The following ARL15 variants were observed in gnomAD, a reference collection of about 807,000 sequenced individuals.
ARL15 encodes ADP-ribosylation factor-like protein 15.
A neutral mutation model predicts 25.2 loss-of-function variants in ARL15; 19 were observed. The observed-to-expected ratio is 0.75, with a 90% CI of 0.53 to 1.10. The LOEUF is 1.10. ARL15 is among the 50% of genes least tolerant of loss of function. The pLI, the probability that ARL15 is intolerant of heterozygous loss-of-function variation, is 0.00. For missense variants in ARL15, 220 were observed against 246.0 expected, an observed-to-expected ratio of 0.89 and a Z score of 0.71; for synonymous variants, 94 against 86.8, an observed-to-expected ratio of 1.08 and a Z score of -0.46.
At chr5:54,076,552 T>A (rs1281563695) in intron 4 of ARL15, among the ~76,000 whole-genome samples, 2 of 152,168 alleles carry the variant, frequency 1.3e-5, no homozygotes, top group East Asian at 3.8e-4. Flanking sequence ...TTTGAAATAG[T>A]GACAAAGAAC....
chr5:53,969,906 A>G (rs1747680855), intron 4 of ARL15, among the ~76,000 whole-genome samples: 1 of 152,220 alleles, frequency 6.6e-6, no homozygotes, highest in Non-Finnish European at 1.5e-5. Context: ...AAAATACCAT[A>G]AATTAAGATA....
At chr5:54,221,168 T>C (rs1756364283) in intron 1 of ARL15, among the ~76,000 whole-genome samples, 1 of 152,214 alleles carries the variant, frequency 6.6e-6, no homozygotes, top group South Asian at 2.1e-4. Context: ...TAAGAACAAC[T>C]AACAACTTTC....
chr5:54,025,457 G>C (rs1405062109), intron 4 of ARL15, among the ~76,000 whole-genome samples: 1 of 152,138 alleles, frequency 6.6e-6, no homozygotes, highest in Non-Finnish European at 1.5e-5. Flanking sequence ...ATGCTGGACT[G>C]ATAAAGAACC....
intron 4 of ARL15, among the ~76,000 whole-genome samples, chr5:54,058,813 T>A (rs563711233): frequency 6.6e-6 from 1 of 152,246 alleles, no homozygotes; most frequent in East Asian, 1.9e-4. Context: ...TGATATCATC[T>A]AACTACAGTT....
Position 54,113,265 on chromosome 5 carries a change from G to A in ARL15, c.399C>T (p.Cys133=), listed in dbSNP as rs758338658. 3 of 1,613,912 alleles carry A rather than the reference G, an allele frequency of 1.9e-6. No homozygotes were observed. The highest frequency in any genetic ancestry group is 3.3e-5 in the Admixed American group (2 of 60,024). The change falls in exon 4 of 5, where the codon TGC becomes TGT. Residue 133 remains cysteine, a synonymous_variant. Coordinates refer to ENST00000504924, the MANE Select transcript of ARL15 (RefSeq NM_019087.3). ...LHSALQHPQL[C]TLPFLILANH... ...TGGCCAATATTAAAAAGGGTAAAGT[G>A]CATAACTGTGGATGCTGAAGAGCTG...
chr5:54,056,045 T>C (rs1379823347), intron 4 of ARL15, among the ~76,000 whole-genome samples: 3 of 152,160 alleles, frequency 2.0e-5, no homozygotes, highest in African/African-American at 4.8e-5. Flanking sequence ...TTACATTTAT[T>C]ATACAAAAGG....
intron 1 of ARL15, among the ~76,000 whole-genome samples, chr5:54,295,341 A>G (rs1163745801): frequency 6.6e-6 from 1 of 152,224 alleles, no homozygotes; most frequent in Non-Finnish European, 1.5e-5. Flanking sequence ...TCCCCAAATA[A>G]TGACATAATG....
chr5:54,224,856 T>C (rs931388676), intron 1 of ARL15, among the ~76,000 whole-genome samples: 6 of 152,184 alleles, frequency 3.9e-5, no homozygotes, highest in East Asian at 3.8e-4. Context: ...GTATCACAAA[T>C]TGACTTCTCA....
At chr5:54,221,683 G>A (rs560855091) in intron 1 of ARL15, among the ~76,000 whole-genome samples, 1 of 152,090 alleles carries the variant, frequency 6.6e-6, no homozygotes, top group South Asian at 2.1e-4. Context: ...CTCTTCTTAA[G>A]CATAAACTTC....
intron 4 of ARL15, among the ~76,000 whole-genome samples, chr5:54,060,810 A>T (rs1248518269): frequency 6.6e-6 from 1 of 152,140 alleles, no homozygotes; most frequent in Non-Finnish European, 1.5e-5. Context: ...AACTTGAGAG[A>T]GATGATTTAG....
chr5:54,206,483 C>G (rs1448216201), intron 1 of ARL15, among the ~76,000 whole-genome samples: 2 of 152,094 alleles, frequency 1.3e-5, no homozygotes, highest in African/African-American at 2.4e-5. Context: ...TAAAAGTTTA[C>G]CAGATTGTAT....
At chr5:54,208,401 T>A (rs1241312167) in intron 1 of ARL15, among the ~76,000 whole-genome samples, 1 of 151,822 alleles carries the variant, frequency 6.6e-6, no homozygotes. Context: ...TACATGCACA[T>A]GCGCACACAC....
intron 4 of ARL15, among the ~76,000 whole-genome samples, chr5:54,013,541 G>A (rs255757): frequency 0.27 from 41,668 of 151,992 alleles, 5,919 homozygotes; most frequent in East Asian, 0.46. Flanking sequence ...ATTATGGGAA[G>A]GGCCTGAATT....
intron 4 of ARL15, among the ~76,000 whole-genome samples, chr5:54,030,311 TA>T (rs982810145): frequency 1.3e-5 from 2 of 152,120 alleles, no homozygotes; most frequent in African/African-American, 4.8e-5. Flanking sequence ...GATAATATTT[TA>T]AAAAATAAAT....
At chr5:54,058,951 G>A (rs568544808) in intron 4 of ARL15, among the ~76,000 whole-genome samples, 13 of 152,306 alleles carry the variant, frequency 8.5e-5, no homozygotes, top group Admixed American at 2.6e-4. Context: ...CTGGTGAGAC[G>A]TCATTAGGTT....
chr5:54,034,081 G>A (rs1470524819), intron 4 of ARL15, among the ~76,000 whole-genome samples: 1 of 152,178 alleles, frequency 6.6e-6, no homozygotes, highest in African/African-American at 2.4e-5. Context: ...CCAAAGTGCT[G>A]GGATTACAGG....
At position 54,059,767 on chromosome 5, in the gene ARL15, TA is replaced by T. The variant is rs753002968; in HGVS notation, c.462+53434del. ...AACTTTTTAAAGGGTCCATTTTAGT[TA>T]TTTGGCTCCTTCAGCACTATTGAGG... On this transcript the variant is annotated intron_variant, in intron 4 of 4. Coordinates refer to ENST00000504924, the MANE Select transcript of ARL15 (RefSeq NM_019087.3). 1.2e-4 allele frequency among the ~76,000 whole-genome samples: 19 copies of T among 152,294 alleles called. No homozygotes were observed. The South Asian group carries it at 2.1e-3, about 17-fold the overall frequency.
chr5:54,128,340 T>C (rs1357444814), intron 3 of ARL15, among the ~76,000 whole-genome samples: 1 of 152,228 alleles, frequency 6.6e-6, no homozygotes, highest in African/African-American at 2.4e-5. Context: ...ATGACTGTTG[T>C]GGGCTGACAG....
intron 1 of ARL15, chr5:54,310,200 C>T (rs1758860189): frequency 2.1e-6 from 1 of 476,636 alleles, no homozygotes; most frequent in Admixed American, 3.7e-5. Context: ...GACCCTCGCC[C>T]TGCAGCCGTG....
Sources: allele counts gnomAD v4.1 joint callset (sites outside exome capture counted in the v4.1 genomes callset), GRCh38; gene constraint gnomAD v4.1.1; transcripts MANE v1.5; gene names NCBI Gene and HGNC (gene_info 2026-07-23, HGNC 2026-07-21).